The following PPARG variants were observed in gnomAD, a reference collection of about 807,000 sequenced individuals.
PPARG encodes peroxisome proliferator activated receptor gamma.
Under a neutral mutation model 39.2 loss-of-function variants are expected in PPARG, and 17 were observed. That is an observed-to-expected ratio of 0.43 (90% CI 0.30 to 0.65). The LOEUF is 0.65. PPARG is among the 30% of genes least tolerant of loss of function. The pLI is 0.13. For missense variants in PPARG, 406 were observed against 585.9 expected (o/e 0.69, Z 3.17); for synonymous variants, 223 against 215.7 (o/e 1.03, Z -0.30).
chr3:12,418,861 G>T (rs2051165949), intron 7 of PPARG, among the ~76,000 whole-genome samples: 1 of 152,208 alleles, frequency 6.6e-6, no homozygotes, highest in South Asian at 2.1e-4. Context: ...TACCTTTGGA[G>T]CTGTGAAGTC....
intron 7 of PPARG, among the ~76,000 whole-genome samples, chr3:12,418,153 G>C (rs1290269391): frequency 1.3e-5 from 2 of 151,896 alleles, no homozygotes; most frequent in Non-Finnish European, 2.9e-5. Flanking sequence ...TTTTTTTGTA[G>C]AGATGAGGTC....
At chr3:12,336,354 C>G (rs1221388690) in intron 2 of PPARG, among the ~76,000 whole-genome samples, 1 of 152,024 alleles carries the variant, frequency 6.6e-6, no homozygotes, top group African/African-American at 2.4e-5. Flanking sequence ...TAACGTTAAG[C>G]TTCCTGTCTG....
chr3:12,371,952 T>G (rs2049230999), intron 2 of PPARG: 1 of 715,150 alleles, frequency 1.4e-6, no homozygotes, highest in Non-Finnish European at 2.6e-6. Flanking sequence ...TTGATCTGCA[T>G]GAATCAGTAA....
At chr3:12,432,244 G>A (rs1483026978) in intron 7 of PPARG, among the ~76,000 whole-genome samples, 3 of 152,122 alleles carry the variant, frequency 2.0e-5, no homozygotes, top group Non-Finnish European at 4.4e-5. Context: ...AACAGGCAAA[G>A]AATGGCCCCC....
chr3:12,307,336 G>A (rs60290266), intron 1 of PPARG, among the ~76,000 whole-genome samples: 42,387 of 151,730 alleles, frequency 0.28, 6,066 homozygotes, highest in East Asian at 0.33. Context: ...GGACAGATCC[G>A]TGTATTTACT....
Position 12,357,284 on chromosome 3 carries a change from C to G in PPARG, c.-8-22420C>G, listed in dbSNP as rs578091253. 2.6e-5 allele frequency among the ~76,000 whole-genome samples: 4 copies of G among 152,236 alleles called. No homozygotes were observed. The East Asian group carries it at 7.7e-4, about 29-fold the overall frequency. On this transcript the variant is annotated intron_variant, in intron 2 of 7. Coordinates refer to ENST00000651735, the MANE Select transcript of PPARG (RefSeq NM_138711.6). ...CCCCAGCTGACCCCTCTGGTCTTCT[C>G]TCTCTCTTCCACCCACTCTGCTCCA...
chr3:12,348,287 A>G (rs917910513), intron 2 of PPARG, among the ~76,000 whole-genome samples: 2 of 152,288 alleles, frequency 1.3e-5, no homozygotes, highest in Non-Finnish European at 2.9e-5. Context: ...ACTTTTTGTT[A>G]TTGAATCATT....
At chr3:12,410,904 G>A (rs550256956) in intron 6 of PPARG, among the ~76,000 whole-genome samples, 19 of 152,218 alleles carry the variant, frequency 1.2e-4, no homozygotes, top group African/African-American at 3.6e-4. Context: ...GGAAAAGCCC[G>A]ACTGAGCTGG....
intron 7 of PPARG, 123 bp from the exon 8 acceptor site, chr3:12,433,775 C>T: frequency 7.2e-7 from 1 of 1,397,320 alleles, no homozygotes; most frequent in Non-Finnish European, 1.0e-6. Flanking sequence ...ATTTAAGATA[C>T]AAAGCAAAAC....
intron 2 of PPARG, among the ~76,000 whole-genome samples, chr3:12,325,646 C>T (rs2047674983): frequency 6.6e-6 from 1 of 151,424 alleles, no homozygotes; most frequent in African/African-American, 2.4e-5. Flanking sequence ...AGAACTCTTC[C>T]CAGTCTTTTT....
At chr3:12,393,371 C>G (rs1316115651) in intron 5 of PPARG, among the ~76,000 whole-genome samples, 1 of 151,952 alleles carries the variant, frequency 6.6e-6, no homozygotes, top group Non-Finnish European at 1.5e-5. Context: ...AAACCTGTGT[C>G]TAAAGTCAAG....
At chr3:12,325,909 G>A (rs895005536) in intron 2 of PPARG, among the ~76,000 whole-genome samples, 1 of 151,876 alleles carries the variant, frequency 6.6e-6, no homozygotes, top group Non-Finnish European at 1.5e-5. Context: ...GTTTTCGGTC[G>A]TTCATTAGTT....
intron 5 of PPARG, among the ~76,000 whole-genome samples, chr3:12,397,669 C>T (rs1427381762): frequency 6.6e-6 from 1 of 152,036 alleles, no homozygotes; most frequent in African/African-American, 2.4e-5. Flanking sequence ...CTCAGCCTCT[C>T]AAAGTGCTGG....
At chr3:12,298,191 T>C (rs1246479947) in intron 1 of PPARG, among the ~76,000 whole-genome samples, 17 of 141,610 alleles carry the variant, frequency 1.2e-4, no homozygotes, top group Non-Finnish European at 2.4e-4. Context: ...CCCAGCTACT[T>C]GGGAGGCTGA....
intron 2 of PPARG, among the ~76,000 whole-genome samples, chr3:12,377,126 C>T (rs1417484866): frequency 6.6e-6 from 1 of 152,088 alleles, no homozygotes; most frequent in Non-Finnish European, 1.5e-5. Flanking sequence ...ATGAAGTGAA[C>T]CAAAAGAGTT....
At chr3:12,358,914 G>A (rs890145848) in intron 2 of PPARG, among the ~76,000 whole-genome samples, 5 of 152,216 alleles carry the variant, frequency 3.3e-5, no homozygotes, top group East Asian at 3.9e-4. Context: ...TAAGGGGCAC[G>A]TTGATGACAG....
chr3:12,408,437 C>T lies in PPARG; in HGVS notation c.729+2356C>T, dbSNP rs190822213. ...AATCAAAAATAAATGAAGACCTCTGCGTAGCTGATTGGACTACAGAAAATA... is the reference window on the plus strand; with the variant it reads ...AATCAAAAATAAATGAAGACCTCTGTGTAGCTGATTGGACTACAGAAAATA... On this transcript the variant is annotated intron_variant, in intron 6 of 7. Coordinates refer to ENST00000651735, the MANE Select transcript of PPARG (RefSeq NM_138711.6). Among the ~76,000 whole-genome samples, 11 of 152,066 alleles carry T rather than the reference C, an allele frequency of 7.2e-5. No homozygotes were observed. In the East Asian group the frequency reaches 1.2e-3, roughly 16 times the overall value.
intron 2 of PPARG, among the ~76,000 whole-genome samples, chr3:12,357,558 A>T (rs2048709665): frequency 6.6e-6 from 1 of 152,048 alleles, no homozygotes; most frequent in South Asian, 2.1e-4. Flanking sequence ...ACAATTTCCT[A>T]TTTAAAAAGC....
At position 12,416,423 on chromosome 3, in the gene PPARG, C is replaced by T. The variant is rs4684103; in HGVS notation, c.730-281C>T. On this transcript the variant is annotated intron_variant, in intron 6 of 7. Coordinates refer to ENST00000651735, the MANE Select transcript of PPARG (RefSeq NM_138711.6). ...TATAAAAATCAACAATGAAGACTCC[C>T]CAAACAAAAGAAATCAGGATTCTTA... Among the ~76,000 whole-genome samples, 26,726 of 152,044 alleles carry T rather than the reference C, an allele frequency of 0.18. 3,203 individuals are homozygous for T. Among genetic ancestry groups the T allele is most frequent in the East Asian group, 0.49 (2,516 of 5,164 alleles).
Sources: gnomAD v4.1 joint callset for allele counts (sites outside exome capture counted in the v4.1 genomes callset) on GRCh38, gnomAD v4.1.1 for gene constraint, MANE v1.5 for transcripts, NCBI Gene and HGNC (gene_info 2026-07-23, HGNC 2026-07-21) for gene names.